The following MIB1 variants were observed in gnomAD, a reference collection of about 807,000 sequenced individuals.
MIB1 encodes the protein MIB E3 ubiquitin protein ligase 1, also known as E3 ubiquitin-protein ligase MIB1.
Under a neutral mutation model 124.5 loss-of-function variants are expected in MIB1, and 278 were observed. The ratio of observed to expected loss-of-function variants is 2.23; its 90% CI spans 2.02 to 2.47. The LOEUF (loss-of-function observed/expected upper bound fraction) is 2.47. MIB1 is among the 30% of genes most tolerant of loss of function. The pLI is 0.00. For missense variants in MIB1, 957 were observed against 1,254.4 expected (o/e 0.76, Z 3.58); for synonymous variants, 446 against 429.4 (o/e 1.04, Z -0.48).
intron 18 of MIB1, among the ~76,000 whole-genome samples, chr18:21,856,387 A>T (rs1598645077): frequency 6.6e-6 from 1 of 152,190 alleles, no homozygotes; most frequent in Non-Finnish European, 1.5e-5. Context: ...TTAGAAAGAT[A>T]GTCTTTTATG....
chr18:21,822,133 A>G (rs1164926996), intron 12 of MIB1, among the ~76,000 whole-genome samples: 1 of 152,218 alleles, frequency 6.6e-6, no homozygotes, highest in Non-Finnish European at 1.5e-5. Flanking sequence ...CTGTAGAGAA[A>G]CTGTGTTAGG....
chr18:21,857,177 G>A lies in MIB1; in HGVS notation c.2713G>A (p.Glu905Lys). 6.2e-7 allele frequency: 1 copy of A among 1,614,186 alleles called. No homozygotes were observed. ...GTGTGTGCAGTGTCGAGCAGTAGTT[G>A]AACGAAGAGTGCCTTTCATTATGTG... Reference protein sequence around the residue: ...KKCVQCRAVVERRVPFIMCCG... With the variant: ...KKCVQCRAVVKRRVPFIMCCG... The change falls in exon 19 of 21, where the codon GAA becomes AAA. Residue 905 changes from glutamate to lysine, a missense_variant. Physicochemically the swap from Glu to Lys is moderately conservative, Grantham distance 56. Transcript: ENST00000261537.
At chr18:21,824,959 G>C (rs2041911737) in intron 12 of MIB1, among the ~76,000 whole-genome samples, 1 of 152,052 alleles carries the variant, frequency 6.6e-6, no homozygotes, top group South Asian at 2.1e-4. Flanking sequence ...GGACAAAGAA[G>C]ACAGTGAGGA....
In MIB1 at chr18:21,741,620, G is replaced by C. The variant is rs370019024; in HGVS notation, c.37G>C (p.Gly13Arg). The C allele has an allele frequency of 3.4e-5, 54 of 1,601,016 alleles. No individual in the cohort carries two copies. The highest frequency in any genetic ancestry group is 3.4e-5 in the Non-Finnish European group (40 of 1,175,296). ...NSRNNRVMVE[G>R]VGARVVRGPD... ...CCGGAATAACCGGGTGATGGTGGAA[G>C]GGGTTGGCGCTCGGGTAGTGCGCGG... is the stretch of plus-strand genomic sequence containing the variant. Residue 13 changes from glycine to arginine, a missense_variant, in exon 1 of 21, where the codon GGG (glycine) becomes CGG (arginine). Gly to Arg is a moderately radical substitution (Grantham distance 125, BLOSUM62 -2). Coordinates refer to ENST00000261537, the MANE Select transcript of MIB1 (RefSeq NM_020774.4). The surrounding 1 kb of genome is among the most constrained non-coding windows in gnomAD (Gnocchi z 5.4).
At chr18:21,849,498 C>A in intron 17 of MIB1, 110 bp downstream of exon 17, 1 of 535,554 alleles carries the variant, frequency 1.9e-6, no homozygotes. Flanking sequence ...CTCTTCCAAA[C>A]AATGATTTAA....
At chr18:21,795,100 A>G (rs1166864524) in intron 7 of MIB1, among the ~76,000 whole-genome samples, 2 of 151,426 alleles carry the variant, frequency 1.3e-5, no homozygotes, top group Admixed American at 1.3e-4. Context: ...GTTGTAAAAA[A>G]TGGGGTGGAA....
At chr18:21,817,061 G>A (rs762764635) in intron 11 of MIB1, among the ~76,000 whole-genome samples, 10 of 151,092 alleles carry the variant, frequency 6.6e-5, no homozygotes, top group African/African-American at 1.7e-4. Context: ...TTAGAAGCCC[G>A]TTTCAGGTTG....
chr18:21,767,106 C>T (rs2041170352), intron 2 of MIB1, among the ~76,000 whole-genome samples: 1 of 152,086 alleles, frequency 6.6e-6, no homozygotes, highest in African/African-American at 2.4e-5. Context: ...TAGGTAAAAT[C>T]CAGACCACAG....
At chr18:21,801,342 A>G (rs1220022556) in intron 9 of MIB1, among the ~76,000 whole-genome samples, 2 of 152,156 alleles carry the variant, frequency 1.3e-5, no homozygotes, top group Non-Finnish European at 2.9e-5. Flanking sequence ...TTCTAGCTTC[A>G]TCATGTAGTT....
intron 1 of MIB1, among the ~76,000 whole-genome samples, chr18:21,753,573 TTTTG>T (rs1416867248): frequency 1.3e-5 from 2 of 152,156 alleles, no homozygotes; most frequent in African/African-American, 4.8e-5. Context: ...CAAGTCTAAG[TTTTG>T]TTTGTTTCAA....
chr18:21,851,893 C>G (rs2042183371), intron 17 of MIB1, among the ~76,000 whole-genome samples: 1 of 151,920 alleles, frequency 6.6e-6, no homozygotes, highest in South Asian at 2.1e-4. Flanking sequence ...GGAATAGGTA[C>G]AGATATGGTT....
chr18:21,748,839 C>G (rs1422299589), intron 1 of MIB1, among the ~76,000 whole-genome samples: 2 of 150,470 alleles, frequency 1.3e-5, no homozygotes, highest in African/African-American at 4.9e-5. Context: ...CTCAGGTGAT[C>G]CGCCTACCTC....
At chr18:21,827,046 G>A (rs1172196393) in intron 12 of MIB1, 1 of 152,034 alleles carries the variant, frequency 6.6e-6, no homozygotes, top group African/African-American at 2.4e-5. Context: ...TGTGTTTTTG[G>A]ATGGCAGTTC....
chr18:21,824,205 G>A (rs1726825840), intron 12 of MIB1, among the ~76,000 whole-genome samples: 1 of 152,164 alleles, frequency 6.6e-6, no homozygotes, highest in African/African-American at 2.4e-5. Flanking sequence ...CACCTGATGT[G>A]ATATATGTTG....
intron 12 of MIB1, among the ~76,000 whole-genome samples, chr18:21,838,156 A>G (rs559733369): frequency 2.0e-5 from 3 of 152,242 alleles, no homozygotes; most frequent in South Asian, 2.1e-4. Flanking sequence ...AGTCTCTGTC[A>G]AGGCCAGCCT....
At chr18:21,745,300 A>G (rs958989522) in intron 1 of MIB1, among the ~76,000 whole-genome samples, 2 of 152,190 alleles carry the variant, frequency 1.3e-5, no homozygotes, top group African/African-American at 4.8e-5. Context: ...CACTATTGAC[A>G]TTTTGAATTG....
chr18:21,747,308 T>C (rs1438668354), intron 1 of MIB1, among the ~76,000 whole-genome samples: 2 of 152,200 alleles, frequency 1.3e-5, no homozygotes, highest in Admixed American at 6.5e-5. Flanking sequence ...CTTCAAGAAA[T>C]CAACTAGTAG....
At position 21,843,122 on chromosome 18, in the gene MIB1, C is replaced by T. The variant is rs781240632; in HGVS notation, c.1963-9C>T. ...TTTTAACCATTTAACATTTGTTCTT[C>T]TCGTTCAGGGTAATGCAAACCTGGA... On this transcript the variant is annotated splice_polypyrimidine_tract_variant and intron_variant, in intron 13 of 20. Coordinates refer to ENST00000261537, the MANE Select transcript of MIB1 (RefSeq NM_020774.4). 1 of 1,595,252 alleles carries T rather than the reference C, an allele frequency of 6.3e-7. No homozygotes were observed. Among genetic ancestry groups the T allele is most frequent in the African/African-American group, 1.4e-5 (1 of 73,906 alleles).
At chr18:21,829,489 T>C (rs1174847723) in intron 12 of MIB1, 2 of 152,364 alleles carry the variant, frequency 1.3e-5, no homozygotes, top group African/African-American at 4.8e-5. Context: ...TTCAATTTTT[T>C]TTTTACAAAC....
Sources: allele counts gnomAD v4.1 joint callset (sites outside exome capture counted in the v4.1 genomes callset), GRCh38; gene constraint gnomAD v4.1.1; non-coding constraint Gnocchi (gnomAD v3.1); transcripts MANE v1.5; gene names NCBI Gene and HGNC (gene_info 2026-07-23, HGNC 2026-07-21).